Variants in SIPA1L1 observed in about 807,000 individuals in gnomAD.
The protein encoded by SIPA1L1 is signal-induced proliferation-associated 1-like protein 1.
In SIPA1L1, 26 loss-of-function variants were observed where a neutral mutation model predicts 162.7. The observed-to-expected ratio is 0.16, with a 90% CI of 0.12 to 0.22. The LOEUF is 0.22. Ranked by LOEUF, SIPA1L1 falls within the 10% of genes least tolerant of loss-of-function variation. SIPA1L1 has a pLI of 1.00. For synonymous variants in SIPA1L1, 829 were observed against 837.4 expected, an observed-to-expected ratio of 0.99 and a Z score of 0.17; for missense variants, 1,874 against 2,241.0, an observed-to-expected ratio of 0.84 and a Z score of 3.31.
intron 2 of SIPA1L1, among the ~76,000 whole-genome samples, chr14:71,468,005 G>T (rs376217622): frequency 3.5e-5 from 5 of 141,606 alleles, no homozygotes; most frequent in African/African-American, 1.3e-4. Context: ...CAGTTAGAGG[G>T]GTGTGTGTGT....
At chr14:71,519,783 C>G (rs914541170) in intron 3 of SIPA1L1, among the ~76,000 whole-genome samples, 2 of 151,496 alleles carry the variant, frequency 1.3e-5, no homozygotes. Context: ...TATGATCATA[C>G]CACTGCACTC....
chr14:71,358,179 A>G (rs1403771463), intron 2 of SIPA1L1, among the ~76,000 whole-genome samples: 1 of 152,198 alleles, frequency 6.6e-6, no homozygotes, highest in Non-Finnish European at 1.5e-5. Context: ...GTGCTCTTTT[A>G]TGTTTCAAAT....
intron 2 of SIPA1L1, among the ~76,000 whole-genome samples, chr14:71,406,015 A>T (rs762046299): frequency 1.1e-4 from 16 of 152,224 alleles, no homozygotes; most frequent in Non-Finnish European, 2.4e-4. Flanking sequence ...ATTAATGAGG[A>T]ATCTGGGGTA....
intron 2 of SIPA1L1, among the ~76,000 whole-genome samples, chr14:71,457,753 C>A (rs1166438933): frequency 6.6e-6 from 1 of 152,062 alleles, no homozygotes; most frequent in Non-Finnish European, 1.5e-5. Flanking sequence ...TGCCACCACA[C>A]CCAACTAATT....
intron 2 of SIPA1L1, among the ~76,000 whole-genome samples, chr14:71,348,332 A>AT (rs1244906165): frequency 6.6e-6 from 1 of 152,070 alleles, no homozygotes; most frequent in Non-Finnish European, 1.5e-5. Flanking sequence ...GTTTTTATAT[A>AT]TTTTTTGAAA....
Position 71,671,369 on chromosome 14 carries a change from T to C in SIPA1L1, c.2506T>C (p.Ser836Pro). The change falls in exon 11 of 24, where the codon TCT becomes CCT. Residue 836 changes from serine (S) to proline (P), a missense_variant. By Grantham distance (74) the Ser-to-Pro change is moderately conservative. Transcript: ENST00000381232. Reference protein sequence around the residue: ...IDPSGKFPFISLASKKKEKSK... With the variant: ...IDPSGKFPFIPLASKKKEKSK... ...CCCTTCTGGCAAGTTTCCGTTCATC[T>C]CTCTGGCTTCCAAGAAGAAGGAAAA... 1 of 1,614,196 alleles carries C rather than the reference T, an allele frequency of 6.2e-7. No homozygotes were observed.
At chr14:71,336,003 TA>T (rs1274139358) in intron 2 of SIPA1L1, among the ~76,000 whole-genome samples, 1 of 152,226 alleles carries the variant, frequency 6.6e-6, no homozygotes, top group Non-Finnish European at 1.5e-5. Context: ...TTTAAATCTG[TA>T]TCTTTTTCAT....
chr14:71,451,112 G>A (rs2045787223), intron 2 of SIPA1L1, among the ~76,000 whole-genome samples: 1 of 152,120 alleles, frequency 6.6e-6, no homozygotes, highest in African/African-American at 2.4e-5. Flanking sequence ...TAACATGGAT[G>A]AACCTGGAGG....
intron 14 of SIPA1L1, among the ~76,000 whole-genome samples, chr14:71,702,073 C>CT (rs2082133577): frequency 6.6e-6 from 1 of 152,150 alleles, no homozygotes; most frequent in Non-Finnish European, 1.5e-5. Flanking sequence ...TGTACGAGGG[C>CT]TTAGAAAATT....
At chr14:71,653,978 C>G (rs527752600) in intron 8 of SIPA1L1, among the ~76,000 whole-genome samples, 2 of 152,126 alleles carry the variant, frequency 1.3e-5, no homozygotes, top group South Asian at 2.1e-4. Flanking sequence ...GCCCCAAGAC[C>G]GGCCTTTAGC....
chr14:71,511,459 A>G (rs984416302), intron 2 of SIPA1L1, among the ~76,000 whole-genome samples: 1 of 147,394 alleles, frequency 6.8e-6, no homozygotes, highest in Admixed American at 6.8e-5. Context: ...TAAATTTTTT[A>G]TTTTTTTTTT....
chr14:71,502,063 T>C (rs1179347171), intron 2 of SIPA1L1, among the ~76,000 whole-genome samples: 1 of 148,226 alleles, frequency 6.7e-6, no homozygotes, highest in East Asian at 2.0e-4. Context: ...AAATCTTCAT[T>C]GAACATAGCT....
chr14:71,691,136 G>C (rs181332881), intron 13 of SIPA1L1, among the ~76,000 whole-genome samples: 231 of 152,244 alleles, frequency 1.5e-3, no homozygotes, highest in Non-Finnish European at 2.1e-3. Context: ...AGTTTCTTTT[G>C]CTTACCTAAA....
At chr14:71,594,851 T>C (rs2035848772) in intron 5 of SIPA1L1, among the ~76,000 whole-genome samples, 1 of 152,234 alleles carries the variant, frequency 6.6e-6, no homozygotes, top group Non-Finnish European at 1.5e-5. Context: ...ACTAAATGCC[T>C]TCCTGAGAAG....
chr14:71,516,638 G>A (rs1192387716), intron 3 of SIPA1L1, among the ~76,000 whole-genome samples: 1 of 151,882 alleles, frequency 6.6e-6, no homozygotes, highest in East Asian at 1.9e-4. Context: ...CTCCCAAATT[G>A]TTGGGATTAT....
At chr14:71,577,993 C>G (rs575381691) in intron 4 of SIPA1L1, among the ~76,000 whole-genome samples, 24 of 152,264 alleles carry the variant, frequency 1.6e-4, no homozygotes, top group African/African-American at 5.3e-4. Flanking sequence ...TCACTGCAGC[C>G]TCTGCTGCCC....
intron 5 of SIPA1L1, among the ~76,000 whole-genome samples, chr14:71,608,306 C>T (rs919367365): frequency 2.0e-5 from 3 of 152,178 alleles, no homozygotes; most frequent in Non-Finnish European, 2.9e-5. Flanking sequence ...GAATTTCTGG[C>T]TACCTGTTAG....
At chr14:71,613,949 C>A (rs1424933815) in intron 5 of SIPA1L1, among the ~76,000 whole-genome samples, 1 of 151,998 alleles carries the variant, frequency 6.6e-6, no homozygotes, top group East Asian at 1.9e-4. Flanking sequence ...TGTCTGTTAT[C>A]CTAGCACTTT....
At chr14:71,370,818 C>T (rs1054197397) in intron 2 of SIPA1L1, among the ~76,000 whole-genome samples, 2 of 152,058 alleles carry the variant, frequency 1.3e-5, no homozygotes, top group Admixed American at 1.3e-4. Flanking sequence ...TAAATGGTAC[C>T]TTGTGTCTGT....
Sources: allele counts gnomAD v4.1 joint callset (sites outside exome capture counted in the v4.1 genomes callset), GRCh38; gene constraint gnomAD v4.1.1; transcripts MANE v1.5; gene names NCBI Gene and HGNC (gene_info 2026-07-23, HGNC 2026-07-21).